Variants in PSMG3 observed in about 807,000 individuals in gnomAD.
PSMG3 encodes PAC-3.
PSMG3 carries 4 observed loss-of-function variants against 7.9 expected under a neutral mutation model. That is an observed-to-expected ratio of 0.51 (90% CI 0.25 to 1.16). The LOEUF is 1.16. Ranked by LOEUF, PSMG3 falls within the 50% of genes most tolerant of loss-of-function variation. PSMG3 has a pLI of 0.15. For missense variants in PSMG3, 151 were observed against 157.4 expected, an observed-to-expected ratio of 0.96 and a Z score of 0.22; for synonymous variants, 81 against 69.8, an observed-to-expected ratio of 1.16 and a Z score of -0.80.
Position 1,567,560 on chromosome 7 carries a change from C to G in PSMG3, c.*138G>C, listed in dbSNP as rs747809772. 5 of 766,928 alleles carry G rather than the reference C, an allele frequency of 6.5e-6. No homozygotes were observed. Among genetic ancestry groups the G allele is most frequent in the Non-Finnish European group, 6.3e-6 (3 of 475,374 alleles). The allele number at this position is 766,928 out of a possible 1,614,324, so 47.5% of individuals were successfully genotyped here. ...CCAGAGTAAGAGTCTGCCTGAGACACGAGTCTTTTTTCCTGGCTCCAAGGG... is the reference window on the plus strand; with the variant it reads ...CCAGAGTAAGAGTCTGCCTGAGACAGGAGTCTTTTTTCCTGGCTCCAAGGG... On this transcript the variant is annotated 3_prime_UTR_variant, in exon 2 of 2. Coordinates refer to ENST00000288607, the MANE Select transcript of PSMG3 (RefSeq NM_032302.4).
rs1562570815 is a variant in PSMG3 at position 1,569,138 on chromosome 7, GA to G, written c.201del (p.Leu68TrpfsTer16). 1 of 1,613,432 alleles carries G rather than the reference GA, an allele frequency of 6.2e-7. No individual in the cohort carries two copies. Among genetic ancestry groups the G allele is most frequent in the Admixed American group, 1.7e-5 (1 of 60,024 alleles). Reference sequence around the variant, plus strand: ...ATCCACTTTACCTCATCCTGCCCCAGAAGGACTTTTGTGGTGAGCACAGGCT... The same window carrying G: ...ATCCACTTTACCTCATCCTGCCCCAGAGGACTTTTGTGGTGAGCACAGGCT... ...VSKPVLTTKVLLGQDEPLIHV... is the reference protein window; with the variant it reads ...VSKPVLTTKVXLGQDEPLIHV... On this transcript the variant is annotated frameshift_variant, in exon 1 of 2. Transcript: ENST00000288607. LOFTEE classifies it high-confidence loss of function.
intron 1 of PSMG3, among the ~76,000 whole-genome samples, chr7:1,568,710 C>T (rs1562570527): frequency 6.6e-6 from 1 of 151,892 alleles, no homozygotes; most frequent in Non-Finnish European, 1.5e-5. Context: ...TGCTGTGGCA[C>T]GATCTTAGCT....
At chr7:1,567,915 C>T (rs1255033631) in intron 1 of PSMG3, 65 bp from the exon 2 acceptor site, 3 of 1,537,838 alleles carry the variant, frequency 2.0e-6, no homozygotes, top group Non-Finnish European at 2.7e-6. Flanking sequence ...TCAATGCTTT[C>T]ATGAAGTATC....
At position 1,569,543 on chromosome 7, in the gene PSMG3, C is replaced by T. The variant is rs756854434; in HGVS notation, c.-204G>A. The T allele has an allele frequency of 3.8e-4, 176 of 461,072 alleles. No individual in the cohort carries two copies. Among genetic ancestry groups the T allele is most frequent in the Middle Eastern group, 5.8e-4 (1 of 1,738 alleles). The allele number at this position is 461,072 out of a possible 1,614,324, so 28.6% of individuals were successfully genotyped here. ...GGCACTTTGGGAGGCCGAGACAGGA[C>T]GATCGTTGAGGCCAGGAATTCGAGA... On this transcript the variant is annotated 5_prime_UTR_variant, in exon 1 of 2. Coordinates refer to ENST00000288607, the MANE Select transcript of PSMG3 (RefSeq NM_032302.4).
chr7:1,569,933 C>A lies in PSMG3; in HGVS notation c.-594G>T, dbSNP rs1291364538. On this transcript the variant is annotated 5_prime_UTR_variant, in exon 1 of 2. Transcript: ENST00000288607. Reference sequence around the variant, plus strand: ...CTGCAGCCGCGGCCCGGGACCCCCACGACACGCGGTGCCGAGGCCGGCCGG... The same window carrying A: ...CTGCAGCCGCGGCCCGGGACCCCCAAGACACGCGGTGCCGAGGCCGGCCGG... 6.6e-6 allele frequency: 1 copy of A among 151,812 alleles called. No individual in the cohort carries two copies. The highest frequency in any genetic ancestry group is 1.5e-5 in the Non-Finnish European group (1 of 67,926). The allele number at this position is 151,812 out of a possible 1,614,324, so 9.4% of individuals were successfully genotyped here.
chr7:1,567,994 A>G (rs62436871), intron 1 of PSMG3, 144 bp from the exon 2 acceptor site: 24,492 of 707,362 alleles, frequency 0.035, 559 homozygotes, highest in Non-Finnish European at 0.045. Context: ...ACTGTGACTC[A>G]GAGTTCTGGC....
At position 1,569,519 on chromosome 7, in the gene PSMG3, G is replaced by A. The variant is rs79294889; in HGVS notation, c.-180C>T. On this transcript the variant is annotated 5_prime_UTR_variant, in exon 1 of 2. Transcript: ENST00000288607. ...GCGGTGGCTCATGCCTGTCATCCCG[G>A]CACTTTGGGAGGCCGAGACAGGACG... The A allele has an allele frequency of 1.3e-5, 7 of 558,760 alleles. No homozygotes were observed. Among genetic ancestry groups the A allele is most frequent in the Non-Finnish European group, 1.9e-5 (6 of 318,954 alleles). The allele number at this position is 558,760 out of a possible 1,614,324, so 34.6% of individuals were successfully genotyped here. A position where few individuals can be genotyped will look rare whatever the true frequency, so the allele number is the denominator to read the frequency against.
rs766913978 is a variant in PSMG3, at chr7:1,567,767, G to C, written c.300C>G (p.Ala100=). 22 of 1,614,118 alleles carry C rather than the reference G, an allele frequency of 1.4e-5. No homozygotes were observed. The highest frequency in any genetic ancestry group is 3.3e-5 in the South Asian group (3 of 91,074). Residue 100 remains alanine (A), a synonymous_variant, in exon 2 of 2, where the codon GCC becomes GCG. Transcript: ENST00000288607. ...GCCCCTCCATGCTTTTGTCCTTCAC[G>C]GCCACGGCGAGGAGGACTGCTCTGT... The part of the protein sequence containing the change: ...AGNRAVLLAV[A]VKDKSMEGLK...
Position 1,569,586 on chromosome 7 carries a change from G to C in PSMG3, c.-247C>G, listed in dbSNP as rs1778846830. 6.9e-6 allele frequency: 2 copies of C among 290,854 alleles called. No homozygotes were observed. Among genetic ancestry groups the C allele is most frequent in the Non-Finnish European group, 1.3e-5 (2 of 158,668 alleles). The allele number at this position is 290,854 out of a possible 1,614,324, so 18.0% of individuals were successfully genotyped here. On this transcript the variant is annotated 5_prime_UTR_variant, in exon 1 of 2. Coordinates refer to ENST00000288607, the MANE Select transcript of PSMG3 (RefSeq NM_032302.4). ...ATTCGAGACCAGCCTGGCCAACATA[G>C]CGAGACCCCCATCTCTACCAAAAAA...
rs1562571187 is a variant in PSMG3 at position 1,569,387 on chromosome 7, G to A, written c.-48C>T. 6 of 1,451,738 alleles carry A rather than the reference G, an allele frequency of 4.1e-6. No individual in the cohort carries two copies. The highest frequency in any genetic ancestry group is 3.9e-5 in the South Asian group (3 of 77,342). 89.9% of individuals were successfully genotyped at this position (1,451,738 alleles called of 1,614,324 possible). Reference sequence around the variant, plus strand: ...TTTAATTTAGGTTAAAAAGAAAGGGGAAAAAAAGGAGTCAATCAAACAGTA... The same window carrying A: ...TTTAATTTAGGTTAAAAAGAAAGGGAAAAAAAAGGAGTCAATCAAACAGTA... On this transcript the variant is annotated 5_prime_UTR_variant, in exon 1 of 2. Transcript: ENST00000288607.
rs113197428 is a variant in PSMG3, at chr7:1,569,754, G to C, written c.-415C>G. On this transcript the variant is annotated 5_prime_UTR_variant, in exon 1 of 2. Transcript: ENST00000288607. ...CATTACAACCCGGGCGGTAGAGCGAGACCCTGTCCGTAAAAAAATAAAACA... is the reference window on the plus strand; with the variant it reads ...CATTACAACCCGGGCGGTAGAGCGACACCCTGTCCGTAAAAAAATAAAACA... The C allele has an allele frequency of 0.03, 4,920 of 161,368 alleles. 111 individuals carry two copies. Among genetic ancestry groups the C allele is most frequent in the Non-Finnish European group, 0.046 (3,416 of 73,520 alleles). The allele number at this position is 161,368 out of a possible 1,614,324, so 10.0% of individuals were successfully genotyped here.
In PSMG3 at chr7:1,569,372, G is replaced by C. The variant is rs748868987; in HGVS notation, c.-33C>G. 6 of 1,529,050 alleles carry C rather than the reference G, an allele frequency of 3.9e-6. No homozygotes were observed. Among genetic ancestry groups the C allele is most frequent in the Non-Finnish European group, 4.4e-6 (5 of 1,128,994 alleles). The allele number at this position is 1,529,050 out of a possible 1,614,324, so 94.7% of individuals were successfully genotyped here. A position where few individuals can be genotyped will look rare whatever the true frequency, so the allele number is the denominator to read the frequency against. On this transcript the variant is annotated 5_prime_UTR_variant, in exon 1 of 2. Coordinates refer to ENST00000288607, the MANE Select transcript of PSMG3 (RefSeq NM_032302.4). ...CTCTGCAGTGGCAGCTTTAATTTAG[G>C]TTAAAAAGAAAGGGGAAAAAAAGGA...
Position 1,569,279 on chromosome 7 carries a change from TG to T in PSMG3, c.60del (p.Thr21ProfsTer16), listed in dbSNP as rs1378251143. On this transcript the variant is annotated frameshift_variant, in exon 1 of 2. Transcript: ENST00000288607. LOFTEE classifies it high-confidence loss of function. ...CTGAAGGCCGTACACACCACCTGGG[TG>T]GGGACCCCGCACACCACCTCCGTCT... The part of the protein sequence containing the change: ...KQKTEVVCGV[P>X]TQVVCTAFSS... The T allele has an allele frequency of 6.2e-7, 1 of 1,613,296 alleles. No homozygotes were observed.
chr7:1,569,350 T>C lies in PSMG3; in HGVS notation c.-11A>G, dbSNP rs1369217034. 1 of 1,588,536 alleles carries C rather than the reference T, an allele frequency of 6.3e-7. No homozygotes were observed. The highest frequency in any genetic ancestry group is 1.1e-5 in the South Asian group (1 of 89,324). Reference sequence around the variant, plus strand: ...CGGCGTGTCTTCCATGGCGGGGCTCTGCAGTGGCAGCTTTAATTTAGGTTA... The same window carrying C: ...CGGCGTGTCTTCCATGGCGGGGCTCCGCAGTGGCAGCTTTAATTTAGGTTA... On this transcript the variant is annotated 5_prime_UTR_variant, in exon 1 of 2. Transcript: ENST00000288607.
At chr7:1,568,018 C>T (rs551985673) in intron 1 of PSMG3, among the ~76,000 whole-genome samples, 168 bp from the exon 2 acceptor site, 1 of 152,244 alleles carries the variant, frequency 6.6e-6, no homozygotes, top group Non-Finnish European at 1.5e-5. Flanking sequence ...ACTCAGAACA[C>T]TCCAGTCACG....
Position 1,567,856 on chromosome 7 carries a change from AAAGG to A in PSMG3, c.217-10_217-7del. On this transcript the variant is annotated splice_polypyrimidine_tract_variant and splice_region_variant and intron_variant, in intron 1 of 1. Transcript: ENST00000288607. ...GCAAAGACATGGATGAGAGGCTGGT[AAAGG>A]AAGGAGAAGAAACCATTTTAACTGC... 1 of 1,611,964 alleles carries A rather than the reference AAAGG, an allele frequency of 6.2e-7. No homozygotes were observed.
chr7:1,569,400 C>A lies in PSMG3; in HGVS notation c.-61G>T. 1.4e-6 allele frequency: 2 copies of A among 1,392,796 alleles called. No homozygotes were observed. Among genetic ancestry groups the A allele is most frequent in the South Asian group, 1.3e-5 (1 of 74,776 alleles). The allele number at this position is 1,392,796 out of a possible 1,614,324, so 86.3% of individuals were successfully genotyped here. On this transcript the variant is annotated 5_prime_UTR_variant, in exon 1 of 2. It removes the in-frame stop codon of an upstream open reading frame in the 5' UTR. Transcript: ENST00000288607. ...AAAAAGAAAGGGGAAAAAAAGGAGT[C>A]AATCAAACAGTACAGCCTTGGGGCT...
chr7:1,569,494 G>A lies in PSMG3; in HGVS notation c.-155C>T, dbSNP rs554802126. The A allele has an allele frequency of 9.5e-5, 61 of 641,460 alleles. No individual in the cohort carries two copies. In the South Asian group the frequency reaches 1.1e-3, roughly 12 times the overall value. 39.7% of individuals were successfully genotyped at this position (641,460 alleles called of 1,614,324 possible). On this transcript the variant is annotated 5_prime_UTR_variant, in exon 1 of 2. Coordinates refer to ENST00000288607, the MANE Select transcript of PSMG3 (RefSeq NM_032302.4). ...GCCCATTCAAAAGAAGGGGCCAGGC[G>A]CGGTGGCTCATGCCTGTCATCCCGG... is the stretch of plus-strand genomic sequence containing the variant.
chr7:1,568,156 C>T lies in PSMG3; in HGVS notation c.217-306G>A, dbSNP rs564350785. 2.0e-5 allele frequency among the ~76,000 whole-genome samples: 3 copies of T among 152,222 alleles called. No individual in the cohort carries two copies. The South Asian group carries it at 6.2e-4, about 32-fold the overall frequency. On this transcript the variant is annotated intron_variant, in intron 1 of 1. Coordinates refer to ENST00000288607, the MANE Select transcript of PSMG3 (RefSeq NM_032302.4). Reference sequence around the variant, plus strand: ...CCTGCAGAAGCGAGTGCTGTCGAATCTCACGTGTGATCTCCACAGAGCACA... The same window carrying T: ...CCTGCAGAAGCGAGTGCTGTCGAATTTCACGTGTGATCTCCACAGAGCACA...
Sources: allele counts gnomAD v4.1 joint callset (sites outside exome capture counted in the v4.1 genomes callset), GRCh38; gene constraint gnomAD v4.1.1; transcripts MANE v1.5; gene names NCBI Gene and HGNC (gene_info 2026-07-23, HGNC 2026-07-21).